LHFPL6: variants seen among roughly 807,000 people sequenced by gnomAD.
LHFPL6 encodes LHFPL tetraspan subfamily member 6.
LHFPL6 carries 9 observed loss-of-function variants against 20.6 expected under a neutral mutation model. The ratio of observed to expected loss-of-function variants is 0.44; its 90% CI spans 0.26 to 0.76. The LOEUF (loss-of-function observed/expected upper bound fraction) is 0.76, where lower values mean the gene tolerates loss of function less well. LHFPL6 is among the 30% of genes least tolerant of loss of function. The pLI, the probability that LHFPL6 is intolerant of heterozygous loss-of-function variation, is 0.20. For missense variants in LHFPL6, 218 were observed against 253.5 expected (o/e 0.86, Z 0.95); for synonymous variants, 105 against 98.7 (o/e 1.06, Z -0.38).
At chr13:39,548,339 T>G (rs1259510754) in intron 2 of LHFPL6, among the ~76,000 whole-genome samples, 7 of 152,054 alleles carry the variant, frequency 4.6e-5, no homozygotes, top group Admixed American at 4.6e-4. Flanking sequence ...AAAGAAAATC[T>G]TTTAAAAACA....
intron 2 of LHFPL6, among the ~76,000 whole-genome samples, chr13:39,572,383 T>C (rs1566144903): frequency 6.8e-6 from 1 of 146,486 alleles, no homozygotes; most frequent in Non-Finnish European, 1.5e-5. Context: ...CATATACACG[T>C]ACACAAATGC....
intron 2 of LHFPL6, among the ~76,000 whole-genome samples, chr13:39,536,173 A>G (rs1870612283): frequency 6.6e-6 from 1 of 152,220 alleles, no homozygotes; most frequent in Non-Finnish European, 1.5e-5. Flanking sequence ...AGCAAGTTCT[A>G]AAATTTTAAA....
At chr13:39,495,524 G>A (rs1288150871) in intron 2 of LHFPL6, among the ~76,000 whole-genome samples, 1 of 151,502 alleles carries the variant, frequency 6.6e-6, no homozygotes, top group Non-Finnish European at 1.5e-5. Context: ...GGCTAGCAGT[G>A]AAAAGATAAG....
chr13:39,542,512 C>T (rs982872287), intron 2 of LHFPL6, among the ~76,000 whole-genome samples: 9 of 152,196 alleles, frequency 5.9e-5, no homozygotes, highest in African/African-American at 2.2e-4. Context: ...GCTCATCGCT[C>T]CACTGTGCCT....
At chr13:39,586,580 A>G (rs1459534426) in intron 2 of LHFPL6, among the ~76,000 whole-genome samples, 1 of 152,232 alleles carries the variant, frequency 6.6e-6, no homozygotes, top group Non-Finnish European at 1.5e-5. Flanking sequence ...GAGATATAAA[A>G]TTACTGAGAT....
intron 2 of LHFPL6, among the ~76,000 whole-genome samples, chr13:39,482,607 T>C (rs979094434): frequency 1.3e-5 from 2 of 152,196 alleles, no homozygotes; most frequent in Non-Finnish European, 2.9e-5. Flanking sequence ...TGTCAAATGC[T>C]GCAGAGAGAT....
At chr13:39,415,508 A>C (rs1464978999) in intron 2 of LHFPL6, among the ~76,000 whole-genome samples, 1 of 152,068 alleles carries the variant, frequency 6.6e-6, no homozygotes, top group Non-Finnish European at 1.5e-5. Context: ...CTGAAAAAAA[A>C]AAAAACAAAA....
chr13:39,347,061 C>G (rs570355090), intron 3 of LHFPL6, among the ~76,000 whole-genome samples: 1 of 112,240 alleles, frequency 8.9e-6, no homozygotes, highest in African/African-American at 3.6e-5. Context: ...GCCTGGATGG[C>G]AGAATAAAAC....
chr13:39,441,639 A>G (rs538916882), intron 2 of LHFPL6, among the ~76,000 whole-genome samples: 39 of 151,698 alleles, frequency 2.6e-4, no homozygotes, highest in African/African-American at 9.2e-4. Context: ...CAGCCTCCCA[A>G]GTAGCTAGGA....
intron 2 of LHFPL6, among the ~76,000 whole-genome samples, chr13:39,563,091 AACACAC>A (rs60324329): frequency 0.043 from 5,826 of 135,772 alleles, 149 homozygotes; most frequent in East Asian, 0.12. Context: ...CAATACTAGA[AACACAC>A]ACACACACAC....
chr13:39,574,301 T>G lies in LHFPL6; in HGVS notation c.385+26531A>C, dbSNP rs564858384. On this transcript the variant is annotated intron_variant, in intron 2 of 3. Coordinates refer to ENST00000379589, the MANE Select transcript of LHFPL6 (RefSeq NM_005780.3). Reference sequence around the variant, plus strand: ...AACAAGATCATCCTGGCTAACATGGTGAAACCCCGTCTCTACTAAAAATAC... The same window carrying G: ...AACAAGATCATCCTGGCTAACATGGGGAAACCCCGTCTCTACTAAAAATAC... Among the ~76,000 whole-genome samples the G allele has an allele frequency of 3.9e-5, 6 of 152,042 alleles. No individual in the cohort carries two copies. In the South Asian group the frequency reaches 6.2e-4, roughly 16 times the overall value.
intron 2 of LHFPL6, among the ~76,000 whole-genome samples, chr13:39,544,206 T>C (rs915517588): frequency 1.3e-5 from 2 of 152,184 alleles, no homozygotes; most frequent in Non-Finnish European, 1.5e-5. Context: ...CAAGTACAAT[T>C]TGAAAGAAAA....
At chr13:39,389,658 G>A (rs1356565289) in intron 2 of LHFPL6, among the ~76,000 whole-genome samples, 8 of 152,238 alleles carry the variant, frequency 5.3e-5, no homozygotes, top group African/African-American at 1.2e-4. Flanking sequence ...CCAATTCCCC[G>A]GTGTGTGGCA....
intron 2 of LHFPL6, among the ~76,000 whole-genome samples, chr13:39,587,395 G>C (rs978803452): frequency 1.1e-4 from 17 of 152,074 alleles, no homozygotes; most frequent in African/African-American, 3.9e-4. Context: ...AGGTCAACTA[G>C]CACCTCTGCT....
intron 2 of LHFPL6, among the ~76,000 whole-genome samples, chr13:39,402,315 C>A (rs1179746598): frequency 3.9e-5 from 6 of 152,142 alleles, no homozygotes; most frequent in Non-Finnish European, 7.3e-5. Flanking sequence ...ACCTTGAACT[C>A]CTGGGCCCAA....
chr13:39,422,692 A>T (rs115375978), intron 2 of LHFPL6, among the ~76,000 whole-genome samples: 2,792 of 151,852 alleles, frequency 0.018, 81 homozygotes, highest in African/African-American at 0.064. Flanking sequence ...TCTCATGACA[A>T]CTCCTTTCCT....
chr13:39,462,175 T>C (rs192398160), intron 2 of LHFPL6, among the ~76,000 whole-genome samples: 1 of 152,176 alleles, frequency 6.6e-6, no homozygotes, highest in Non-Finnish European at 1.5e-5. Flanking sequence ...CTTTCTCTTA[T>C]TAGGTCTCTC....
chr13:39,586,513 A>G (rs564292832), intron 2 of LHFPL6, among the ~76,000 whole-genome samples: 2 of 152,272 alleles, frequency 1.3e-5, no homozygotes, highest in East Asian at 1.9e-4. Flanking sequence ...CCCCCTTTTC[A>G]TTAACTTTTG....
At chr13:39,519,476 A>C (rs1870037246) in intron 2 of LHFPL6, among the ~76,000 whole-genome samples, 1 of 152,180 alleles carries the variant, frequency 6.6e-6, no homozygotes, top group Non-Finnish European at 1.5e-5. Flanking sequence ...CGTTACACGC[A>C]TTAGTTTGTC....
Sources: allele counts gnomAD v4.1 joint callset (sites outside exome capture counted in the v4.1 genomes callset), GRCh38; gene constraint gnomAD v4.1.1; transcripts MANE v1.5; gene names NCBI Gene and HGNC (gene_info 2026-07-23, HGNC 2026-07-21).